The following UBAC2 variants were observed in gnomAD, a reference collection of about 807,000 sequenced individuals.
UBAC2 encodes the protein UBA domain containing 2.
Under a neutral mutation model 44.0 loss-of-function variants are expected in UBAC2, and 26 were observed. The ratio of observed to expected loss-of-function variants is 0.59; its 90% confidence interval spans 0.43 to 0.82. The LOEUF (loss-of-function observed/expected upper bound fraction) is 0.82, where lower values mean the gene tolerates loss of function less well. Among genes scored for constraint, UBAC2 ranks in the 40% least tolerant of loss-of-function variants. UBAC2 has a pLI of 0.00. For missense variants in UBAC2, 329 were observed against 419.4 expected (o/e 0.78, Z 1.88); for synonymous variants, 155 against 154.3 (o/e 1.00, Z -0.04).
At chr13:99,258,604 T>G (rs1221355998) in intron 4 of UBAC2, 1 of 152,218 alleles carries the variant, frequency 6.6e-6, no homozygotes, top group Non-Finnish European at 1.5e-5. Context: ...AAGAGAAGAT[T>G]TGATATTGAG....
chr13:99,262,278 A>G (rs1303823024), intron 4 of UBAC2, among the ~76,000 whole-genome samples: 1 of 152,086 alleles, frequency 6.6e-6, no homozygotes, highest in Non-Finnish European at 1.5e-5. Flanking sequence ...ACAGGAAAAA[A>G]ATAGTAAGTA....
rs551714294 is a variant in UBAC2, at chr13:99,293,455, T to G, written c.390-20642T>G. 3.2e-4 allele frequency among the ~76,000 whole-genome samples: 49 copies of G among 152,354 alleles called. 1 individual carries two copies. The South Asian group carries it at 9.7e-3, about 30-fold the overall frequency. ...TCTTTTTGGTTTTCCTTTAGTAGTCTTCACGATGGTTCCTCTTTAGAGATC... is the reference window on the plus strand; with the variant it reads ...TCTTTTTGGTTTTCCTTTAGTAGTCGTCACGATGGTTCCTCTTTAGAGATC... On this transcript the variant is annotated intron_variant, in intron 4 of 8. Transcript: ENST00000403766.
intron 1 of UBAC2, among the ~76,000 whole-genome samples, chr13:99,216,082 TTGTG>T (rs3031384): frequency 0.24 from 35,321 of 148,700 alleles, 5,166 homozygotes; most frequent in Non-Finnish European, 0.34. Context: ...CAACCTATAT[TTGTG>T]TGTGTGTGTG....
At chr13:99,376,824 G>A (rs934197299) in intron 8 of UBAC2, 8 of 152,224 alleles carry the variant, frequency 5.3e-5, no homozygotes, top group Non-Finnish European at 7.3e-5. Context: ...GCCTGAGCAG[G>A]AGGAAGGTAC....
At chr13:99,258,834 CT>C (rs1372608271) in intron 4 of UBAC2, among the ~76,000 whole-genome samples, 1 of 152,198 alleles carries the variant, frequency 6.6e-6, no homozygotes, top group Non-Finnish European at 1.5e-5. Flanking sequence ...TGGAGTCTCA[CT>C]TTTTACTACC....
chr13:99,271,565 G>A (rs1434057165), intron 4 of UBAC2, among the ~76,000 whole-genome samples: 1 of 152,190 alleles, frequency 6.6e-6, no homozygotes, highest in Non-Finnish European at 1.5e-5. Context: ...TTTGGGAGAT[G>A]AAGTCATGTT....
intron 4 of UBAC2, 101 bp from the exon 5 acceptor site, chr13:99,313,996 A>G: frequency 8.7e-7 from 1 of 1,143,492 alleles, no homozygotes; most frequent in Non-Finnish European, 1.2e-6. Flanking sequence ...CCATGCTTTC[A>G]GACTGAAATA....
intron 4 of UBAC2, among the ~76,000 whole-genome samples, chr13:99,286,487 A>G (rs181732609): frequency 2.0e-4 from 30 of 151,502 alleles, no homozygotes; most frequent in Admixed American, 1.1e-3. Context: ...TTTTTTTAAT[A>G]TTTATTTATT....
At chr13:99,351,430 C>G (rs769670046) in intron 7 of UBAC2, 26 of 418,126 alleles carry the variant, frequency 6.2e-5, no homozygotes, top group South Asian at 4.2e-4. Context: ...TATCTTTGAT[C>G]TCTTGCCTCT....
intron 8 of UBAC2, among the ~76,000 whole-genome samples, chr13:99,369,486 G>A (rs761465035): frequency 2.6e-5 from 4 of 152,256 alleles, no homozygotes; most frequent in Non-Finnish European, 4.4e-5. Flanking sequence ...AGATTTGTGA[G>A]AGATGATTTT....
intron 8 of UBAC2, 75 bp from the exon 9 acceptor site, chr13:99,385,153 A>G (rs2138940601): frequency 9.0e-7 from 1 of 1,113,912 alleles, no homozygotes; most frequent in South Asian, 1.2e-5. Context: ...CAAGGCTCAC[A>G]TGAAGAACAT....
At chr13:99,359,221 G>A (rs889997580) in intron 7 of UBAC2, among the ~76,000 whole-genome samples, 1 of 152,196 alleles carries the variant, frequency 6.6e-6, no homozygotes, top group Non-Finnish European at 1.5e-5. Flanking sequence ...GTCACAGAGC[G>A]CTCAGGAGGA....
rs185471457 is a variant in UBAC2, at chr13:99,330,666, A to G, written c.562-9654A>G. Reference sequence around the variant, plus strand: ...TTTGTACCTTTTATTTTTCTTTATTATACTAGCTAGGACCTCTAATAGAAT... The same window carrying G: ...TTTGTACCTTTTATTTTTCTTTATTGTACTAGCTAGGACCTCTAATAGAAT... On this transcript the variant is annotated intron_variant, in intron 6 of 8. Coordinates refer to ENST00000403766, the MANE Select transcript of UBAC2 (RefSeq NM_001144072.2). 4.1e-4 allele frequency among the ~76,000 whole-genome samples: 63 copies of G among 151,932 alleles called. 1 individual carries two copies. The highest frequency in any genetic ancestry group is 3.9e-3 in the Admixed American group (59 of 15,242).
In UBAC2 at chr13:99,314,138, C is replaced by T; in HGVS notation, c.431C>T (p.Ser144Phe). Reference protein sequence around the residue: ...VFALFVPFYCSIPRVQVAQIL... With the variant: ...VFALFVPFYCFIPRVQVAQIL... ...GCTCTGTTTGTACCATTTTACTGCT[C>T]CATACCAAGAGTCCAAGTGGCACAA... The change falls in exon 5 of 9, where the codon TCC becomes TTC. Residue 144 changes from serine to phenylalanine, a missense_variant. Physicochemically the swap from Ser to Phe is radical, Grantham distance 155. Transcript: ENST00000403766. 1 of 1,613,760 alleles carries T rather than the reference C, an allele frequency of 6.2e-7. No individual in the cohort carries two copies. The highest frequency in any genetic ancestry group is 8.5e-7 in the Non-Finnish European group (1 of 1,179,878).
At chr13:99,215,743 C>G in intron 1 of UBAC2, 1 of 1,437,346 alleles carries the variant, frequency 7.0e-7, no homozygotes, top group Non-Finnish European at 9.3e-7. Context: ...TCCTTCCCAG[C>G]CTTACCGTCA....
intron 4 of UBAC2, among the ~76,000 whole-genome samples, chr13:99,275,125 G>A (rs1374579623): frequency 1.3e-5 from 2 of 152,218 alleles, no homozygotes; most frequent in African/African-American, 4.8e-5. Context: ...TTTAGATTTG[G>A]AAGATACTGC....
chr13:99,201,149 C>T, intron 1 of UBAC2: 2 of 1,362,574 alleles, frequency 1.5e-6, no homozygotes, highest in Non-Finnish European at 1.9e-6. Flanking sequence ...GGGACAAAGC[C>T]CCGCCGCCCG....
intron 4 of UBAC2, among the ~76,000 whole-genome samples, chr13:99,278,285 A>T (rs2043909337): frequency 6.6e-6 from 1 of 152,122 alleles, no homozygotes; most frequent in Non-Finnish European, 1.5e-5. Context: ...CTGTTACCAC[A>T]TTATTAATAC....
chr13:99,375,792 C>T (rs904661401), intron 8 of UBAC2, among the ~76,000 whole-genome samples: 2 of 143,406 alleles, frequency 1.4e-5, no homozygotes, highest in Non-Finnish European at 3.0e-5. Context: ...TTTCTCTTTT[C>T]CTTTTTCCCT....
Sources: allele counts gnomAD v4.1 joint callset (sites outside exome capture counted in the v4.1 genomes callset), GRCh38; gene constraint gnomAD v4.1.1; transcripts MANE v1.5; gene names NCBI Gene and HGNC (gene_info 2026-07-23, HGNC 2026-07-21).